The following SYPL1 variants were observed in gnomAD, a reference collection of about 807,000 sequenced individuals.
The protein encoded by SYPL1 is synaptophysin like 1.
In SYPL1, 6 loss-of-function variants were observed where a neutral mutation model predicts 23.7. The ratio of observed to expected loss-of-function variants is 0.25; its 90% CI spans 0.14 to 0.50. The LOEUF is 0.50. SYPL1 is among the 20% of genes least tolerant of loss of function. SYPL1 has a pLI of 0.98. For synonymous variants in SYPL1, 102 were observed against 104.5 expected, an observed-to-expected ratio of 0.98 and a Z score of 0.15; for missense variants, 253 against 288.9, an observed-to-expected ratio of 0.88 and a Z score of 0.90.
chr7:106,111,231 ATTC>A (rs1267300130), intron 1 of SYPL1, among the ~76,000 whole-genome samples: 2 of 152,218 alleles, frequency 1.3e-5, no homozygotes, highest in African/African-American at 4.8e-5. Flanking sequence ...GAAAGTTCTT[ATTC>A]TTCTTCACCA....
upstream of SYPL1, chr7:106,112,315 T>A (rs1408733679): frequency 2.7e-5 from 24 of 902,794 alleles, no homozygotes; most frequent in Admixed American, 9.4e-4. Flanking sequence ...GCTGGCGCGC[T>A]GGCCGGGCTC....
Position 106,100,817 on chromosome 7 carries a change from C to T in SYPL1, c.70-1535G>A, listed in dbSNP as rs1463390191. On this transcript the variant is annotated intron_variant, in intron 1 of 4. Coordinates refer to ENST00000455385, the MANE Select transcript of SYPL1 (RefSeq NM_182715.4). The surrounding 1 kb of genome is among the most constrained non-coding windows in gnomAD (Gnocchi z 5.1). ...AAGGCAGAAAATGTTATCCTTTGCT[C>T]AAAACCCTCCAATGGCTTTTGAGCT... Among the ~76,000 whole-genome samples, 1 of 152,172 alleles carries T rather than the reference C, an allele frequency of 6.6e-6. No homozygotes were observed. The highest frequency in any genetic ancestry group is 1.5e-5 in the Non-Finnish European group (1 of 68,034).
At position 106,097,371 on chromosome 7, in the gene SYPL1, T is replaced by C. The variant is rs1295080485; in HGVS notation, c.402+319A>G. Among the ~76,000 whole-genome samples the C allele has an allele frequency of 1.3e-5, 2 of 152,220 alleles. No homozygotes were observed. Among genetic ancestry groups the C allele is most frequent in the African/African-American group, 4.8e-5 (2 of 41,450 alleles). ...AGAAGCAGAAAGAGTTATGAGACTATGTTGTGATAAGTAATTCTTCAAATT... is the reference window on the plus strand; with the variant it reads ...AGAAGCAGAAAGAGTTATGAGACTACGTTGTGATAAGTAATTCTTCAAATT... On this transcript the variant is annotated intron_variant, in intron 3 of 4. Transcript: ENST00000455385. This position sits in a 1 kb window ranked among gnomAD's most constrained non-coding sequence, Gnocchi z 4.6.
rs188162697 is a variant in SYPL1 at position 106,101,698 on chromosome 7, T to C, written c.70-2416A>G. ...AAGGTAAAGATGGAAGAATCAATACTCTCTCAGAATAAATATGCATGAATA... is the reference window on the plus strand; with the variant it reads ...AAGGTAAAGATGGAAGAATCAATACCCTCTCAGAATAAATATGCATGAATA... On this transcript the variant is annotated intron_variant, in intron 1 of 4. Coordinates refer to ENST00000455385, the MANE Select transcript of SYPL1 (RefSeq NM_182715.4). 6.0e-5 allele frequency among the ~76,000 whole-genome samples: 9 copies of C among 150,488 alleles called. No individual in the cohort carries two copies. In the East Asian group the frequency reaches 1.8e-3, roughly 29 times the overall value.
chr7:106,111,950 C>T (rs907463977), intron 1 of SYPL1, 190 bp downstream of exon 1: 10 of 637,598 alleles, frequency 1.6e-5, no homozygotes, highest in Non-Finnish European at 2.1e-5. Flanking sequence ...CGACGCCCGC[C>T]GCGGCGTCTC....
intron 1 of SYPL1, among the ~76,000 whole-genome samples, chr7:106,108,811 G>A (rs142110214): frequency 1.3e-5 from 2 of 152,184 alleles, no homozygotes; most frequent in East Asian, 3.9e-4. Flanking sequence ...AATTCTCAAT[G>A]CGTGGTCTGT....
rs1840485447 is a variant in SYPL1, at chr7:106,104,420, T to C, written c.70-5138A>G. On this transcript the variant is annotated intron_variant, in intron 1 of 4. Coordinates refer to ENST00000455385, the MANE Select transcript of SYPL1 (RefSeq NM_182715.4). This position sits in a 1 kb window ranked among gnomAD's most constrained non-coding sequence, Gnocchi z 4.1. ...AAAAAATTAAATGGAAAAATGAATT[T>C]CCTAATATAACAAGTAGCAAATAAA... 6.6e-6 allele frequency among the ~76,000 whole-genome samples: 1 copy of C among 152,144 alleles called. No homozygotes were observed. Among genetic ancestry groups the C allele is most frequent in the Non-Finnish European group, 1.5e-5 (1 of 68,012 alleles).
intron 1 of SYPL1, among the ~76,000 whole-genome samples, chr7:106,108,704 T>A (rs1789973872): frequency 6.6e-6 from 1 of 152,186 alleles, no homozygotes; most frequent in Non-Finnish European, 1.5e-5. Context: ...GGTTGAGCTT[T>A]CTTCAGATTT....
rs1790023988 is a variant in SYPL1, at chr7:106,109,303, G to A, written c.69+2837C>T. Among the ~76,000 whole-genome samples the A allele has an allele frequency of 6.6e-6, 1 of 152,158 alleles. No individual in the cohort carries two copies. The highest frequency in any genetic ancestry group is 2.1e-4 in the South Asian group (1 of 4,830). ...TCACAGTCAAACAGCGGTTTATGCT[G>A]TCTTCACTTTCTTACCACACATTCA... is the stretch of plus-strand genomic sequence containing the variant. On this transcript the variant is annotated intron_variant, in intron 1 of 4. Transcript: ENST00000455385. This position sits in a 1 kb window ranked among gnomAD's most constrained non-coding sequence, Gnocchi z 4.3.
Position 106,091,624 on chromosome 7 carries a change from C to T in SYPL1, c.*181G>A, listed in dbSNP as rs148138144. The stretch of plus-strand genomic sequence containing the variant: ...ACTTTCAAATTTACATGTGAGAATA[C>T]ATTTACATCTTAACTTTCTAGGAAA... On this transcript the variant is annotated 3_prime_UTR_variant, in exon 5 of 5. Transcript: ENST00000455385. This position sits in a 1 kb window ranked among gnomAD's most constrained non-coding sequence, Gnocchi z 5.0. 1.5e-3 allele frequency: 846 copies of T among 549,534 alleles called. 7 individuals are homozygous for T. The highest frequency in any genetic ancestry group is 0.015 in the African/African-American group (786 of 52,140). The allele number at this position is 549,534 out of a possible 1,614,324, so 34.0% of individuals were successfully genotyped here. A position where few individuals can be genotyped will look rare whatever the true frequency, so the allele number is the denominator to read the frequency against.
intron 1 of SYPL1, among the ~76,000 whole-genome samples, chr7:106,105,723 G>C (rs907573667): frequency 2.0e-5 from 3 of 152,130 alleles, no homozygotes; most frequent in Admixed American, 6.5e-5. Context: ...TGCTGGGCAT[G>C]CACATCAGAA....
At chr7:106,110,522 T>C (rs1790090124) in intron 1 of SYPL1, among the ~76,000 whole-genome samples, 1 of 152,238 alleles carries the variant, frequency 6.6e-6, no homozygotes, top group African/African-American at 2.4e-5. Flanking sequence ...GTTTTATTCA[T>C]GTGGTATGCT....
Position 106,095,339 on chromosome 7 carries a change from CA to C in SYPL1, c.403-2203del, listed in dbSNP as rs929873833. Among the ~76,000 whole-genome samples the C allele has an allele frequency of 2.0e-5, 3 of 150,332 alleles. No individual in the cohort carries two copies. Among genetic ancestry groups the C allele is most frequent in the Non-Finnish European group, 4.4e-5 (3 of 67,610 alleles). On this transcript the variant is annotated intron_variant, in intron 3 of 4. Transcript: ENST00000455385. This position sits in a 1 kb window ranked among gnomAD's most constrained non-coding sequence, Gnocchi z 4.3. ...GCTATATCTTAAATTTTGGGTATCTCAAAAAAAACCTTTTTTTTTTTTTCCC... is the reference window on the plus strand; with the variant it reads ...GCTATATCTTAAATTTTGGGTATCTCAAAAAAACCTTTTTTTTTTTTTCCC...
At chr7:106,108,364 A>G (rs911870305) in intron 1 of SYPL1, among the ~76,000 whole-genome samples, 1 of 152,078 alleles carries the variant, frequency 6.6e-6, no homozygotes, top group Non-Finnish European at 1.5e-5. Flanking sequence ...CCACTGACAT[A>G]ATTTGAATTT....
intron 1 of SYPL1, among the ~76,000 whole-genome samples, chr7:106,101,055 C>T (rs995027501): frequency 1.3e-5 from 2 of 152,210 alleles, no homozygotes; most frequent in Non-Finnish European, 2.9e-5. Context: ...CACTCCCTCA[C>T]TTCCATAGCT....
At position 106,097,620 on chromosome 7, in the gene SYPL1, C is replaced by T; in HGVS notation, c.402+70G>A. ...GGCTTACACCAAGAATTTTTATTTC[C>T]AGTATAAGAAAATCTATATTTAGCT... is the stretch of plus-strand genomic sequence containing the variant. On this transcript the variant is annotated intron_variant, in intron 3 of 4. Coordinates refer to ENST00000455385, the MANE Select transcript of SYPL1 (RefSeq NM_182715.4). This position sits in a 1 kb window ranked among gnomAD's most constrained non-coding sequence, Gnocchi z 4.6. 7.4e-7 allele frequency: 1 copy of T among 1,353,378 alleles called. No homozygotes were observed. Among genetic ancestry groups the T allele is most frequent in the Non-Finnish European group, 9.9e-7 (1 of 1,006,484 alleles). 83.8% of individuals were successfully genotyped at this position (1,353,378 alleles called of 1,614,324 possible).
rs1424477552 is a variant in SYPL1, at chr7:106,099,294, A to G, written c.70-12T>C. 6.3e-7 allele frequency: 1 copy of G among 1,592,934 alleles called. No individual in the cohort carries two copies. ...AAGATAGAAGCAATCTACACAAAGTAAGATGAAAAAAGACAAAAGAAAAAA... is the reference window on the plus strand; with the variant it reads ...AAGATAGAAGCAATCTACACAAAGTGAGATGAAAAAAGACAAAAGAAAAAA... On this transcript the variant is annotated splice_polypyrimidine_tract_variant and intron_variant, in intron 1 of 4. Transcript: ENST00000455385.
chr7:106,096,363 A>G lies in SYPL1; in HGVS notation c.402+1327T>C, dbSNP rs1840019718. 6.6e-6 allele frequency: 1 copy of G among 152,244 alleles called. No homozygotes were observed. The highest frequency in any genetic ancestry group is 2.4e-5 in the African/African-American group (1 of 41,472). The allele number at this position is 152,244 out of a possible 1,614,324, so 9.4% of individuals were successfully genotyped here. On this transcript the variant is annotated intron_variant, in intron 3 of 4. Transcript: ENST00000455385. This position sits in a 1 kb window ranked among gnomAD's most constrained non-coding sequence, Gnocchi z 4.4. ...TAAATAAAACTTGTAATGTTATTTA[A>G]TAATCCTTCATATTTAAATAGCCTT...
At chr7:106,112,531 C>G, upstream of SYPL1, 1 of 1,514,150 alleles carries the variant, frequency 6.6e-7, no homozygotes, top group Non-Finnish European at 8.8e-7. Flanking sequence ...GGGCGCCATA[C>G]TGCGTGCGCC....
Sources: allele counts gnomAD v4.1 joint callset (sites outside exome capture counted in the v4.1 genomes callset), GRCh38; gene constraint gnomAD v4.1.1; non-coding constraint Gnocchi (gnomAD v3.1); transcripts MANE v1.5; gene names NCBI Gene and HGNC (gene_info 2026-07-23, HGNC 2026-07-21).